Variants in CREB3L2 observed in about 807,000 individuals in gnomAD.
The protein encoded by CREB3L2 is cAMP responsive element binding protein 3 like 2.
CREB3L2 carries 23 observed loss-of-function variants against 57.2 expected under a neutral mutation model. That is an observed-to-expected ratio of 0.40 (90% CI 0.29 to 0.57). The LOEUF (loss-of-function observed/expected upper bound fraction) is 0.57, where lower values mean the gene tolerates loss of function less well. Ranked by LOEUF, CREB3L2 falls within the 20% of genes least tolerant of loss-of-function variation. CREB3L2 has a pLI of 0.42. For missense variants in CREB3L2, 628 were observed against 634.7 expected (o/e 0.99, Z 0.11); for synonymous variants, 268 against 265.1 (o/e 1.01, Z -0.11).
chr7:137,906,869 T>C (rs1238958696), intron 5 of CREB3L2, among the ~76,000 whole-genome samples: 2 of 152,218 alleles, frequency 1.3e-5, no homozygotes, highest in African/African-American at 4.8e-5. Flanking sequence ...CCTTCCACCA[T>C]GATTGTGAGG....
At chr7:137,962,607 C>T (rs1350754211) in intron 1 of CREB3L2, among the ~76,000 whole-genome samples, 1 of 152,036 alleles carries the variant, frequency 6.6e-6, no homozygotes, top group East Asian at 1.9e-4. Flanking sequence ...GGCAGGACTC[C>T]CCACCACCCT....
chr7:137,919,765 CAAAGA>C (rs1344670670), intron 2 of CREB3L2, among the ~76,000 whole-genome samples: 2 of 151,926 alleles, frequency 1.3e-5, no homozygotes, highest in African/African-American at 2.4e-5. Context: ...TTTTTAATTA[CAAAGA>C]AAAGACTTAT....
intron 1 of CREB3L2, among the ~76,000 whole-genome samples, chr7:137,972,702 A>AC (rs1443718414): frequency 6.3e-4 from 26 of 41,004 alleles, no homozygotes; most frequent in Middle Eastern, 9.3e-3. Flanking sequence ...AAAAAAAAAA[A>AC]AAAAAAAAAA....
intron 1 of CREB3L2, among the ~76,000 whole-genome samples, chr7:137,971,863 G>C (rs775772389): frequency 5.4e-4 from 81 of 151,252 alleles, no homozygotes; most frequent in Non-Finnish European, 9.0e-4. Context: ...AACAATACAC[G>C]GCCATTAAAA....
At chr7:137,894,035 T>A (rs1194446707) in intron 8 of CREB3L2, among the ~76,000 whole-genome samples, 1 of 152,174 alleles carries the variant, frequency 6.6e-6, no homozygotes, top group Non-Finnish European at 1.5e-5. Flanking sequence ...AGAGAGACAG[T>A]CTCTTGGGTC....
At chr7:137,986,135 C>T (rs1023503913) in intron 1 of CREB3L2, among the ~76,000 whole-genome samples, 1 of 152,222 alleles carries the variant, frequency 6.6e-6, no homozygotes, top group African/African-American at 2.4e-5. Flanking sequence ...AAGGTGCTCA[C>T]AGTAGGGAGA....
At position 137,879,182 on chromosome 7, in the gene CREB3L2, A is replaced by C; in HGVS notation, c.*1294T>G. The C allele has an allele frequency of 5.8e-6, 3 of 518,976 alleles. No individual in the cohort carries two copies. The highest frequency in any genetic ancestry group is 5.0e-5 in the South Asian group (3 of 59,778). 32.1% of individuals were successfully genotyped at this position (518,976 alleles called of 1,614,324 possible). ...ACTTTTAACCATAAAAAAAAAACAA[A>C]AAAACTAAAAGTAGGTTGGGGATTA... On this transcript the variant is annotated 3_prime_UTR_variant, in exon 12 of 12. Transcript: ENST00000330387.
chr7:137,906,889 C>T (rs533751776), intron 5 of CREB3L2, among the ~76,000 whole-genome samples: 10 of 152,328 alleles, frequency 6.6e-5, no homozygotes, highest in South Asian at 2.1e-4. Flanking sequence ...GTTTCCCTAG[C>T]CACGTGGAAC....
chr7:137,944,032 A>G (rs572688141), intron 1 of CREB3L2, among the ~76,000 whole-genome samples: 11 of 152,238 alleles, frequency 7.2e-5, no homozygotes, highest in East Asian at 1.9e-4. Context: ...TATTCTCTTC[A>G]CTGTCTAAAG....
Position 137,905,974 on chromosome 7 carries a change from C to T in CREB3L2, c.769-126G>A, listed in dbSNP as rs1475748391. The T allele has an allele frequency of 6.5e-6, 6 of 929,970 alleles. No homozygotes were observed. The Admixed American group carries it at 1.6e-4, about 25-fold the overall frequency. The allele number at this position is 929,970 out of a possible 1,614,324, so 57.6% of individuals were successfully genotyped here. On this transcript the variant is annotated intron_variant, in intron 5 of 11. Coordinates refer to ENST00000330387, the MANE Select transcript of CREB3L2 (RefSeq NM_194071.4). ...CAGAAGGCTCTGAGACAAGGATGCC[C>T]CATCTGCTTTGGGTGACAGATGGGT...
At position 137,888,079 on chromosome 7, in the gene CREB3L2, A is replaced by G. The variant is rs1052270004; in HGVS notation, c.1044-2577T>C. Among the ~76,000 whole-genome samples, 4 of 152,080 alleles carry G rather than the reference A, an allele frequency of 2.6e-5. No homozygotes were observed. In the South Asian group the frequency reaches 8.3e-4, roughly 32 times the overall value. On this transcript the variant is annotated intron_variant, in intron 8 of 11. Coordinates refer to ENST00000330387, the MANE Select transcript of CREB3L2 (RefSeq NM_194071.4). The stretch of plus-strand genomic sequence containing the variant: ...GCAATCCTCCTGCCTCAGCCTCCTG[A>G]GTAGCTGGGAGGGAATACAGGTGTG...
At chr7:137,989,192 G>T (rs538007161) in intron 1 of CREB3L2, among the ~76,000 whole-genome samples, 3 of 152,096 alleles carry the variant, frequency 2.0e-5, no homozygotes, top group African/African-American at 7.2e-5. Context: ...TCGTGCTCTC[G>T]CCTGGAAACC....
rs547836757 is a variant in CREB3L2, at chr7:137,879,208, G to A, written c.*1268C>T. On this transcript the variant is annotated 3_prime_UTR_variant, in exon 12 of 12. Transcript: ENST00000330387. Reference sequence around the variant, plus strand: ...AAAACTAAAAGTAGGTTGGGGATTAGGTTGTATCTCTTTGGGCGAGCTGCA... The same window carrying A: ...AAAACTAAAAGTAGGTTGGGGATTAAGTTGTATCTCTTTGGGCGAGCTGCA... 11 of 534,510 alleles carry A rather than the reference G, an allele frequency of 2.1e-5. No individual in the cohort carries two copies. Among genetic ancestry groups the A allele is most frequent in the African/African-American group, 2.0e-4 (11 of 53,822 alleles). The allele number at this position is 534,510 out of a possible 1,614,324, so 33.1% of individuals were successfully genotyped here. A position where few individuals can be genotyped will look rare whatever the true frequency, so the allele number is the denominator to read the frequency against.
Position 137,982,668 on chromosome 7 carries a change from G to A in CREB3L2, c.102+18936C>T, listed in dbSNP as rs141455036. On this transcript the variant is annotated intron_variant, in intron 1 of 11. Transcript: ENST00000330387. The stretch of plus-strand genomic sequence containing the variant: ...AAGATTGTGAGGCCTCCCCAGCCAC[G>A]TGGAACTGTGAGTCAATTAAACCTC... Among the ~76,000 whole-genome samples, 913 of 152,222 alleles carry A rather than the reference G, an allele frequency of 6.0e-3. 11 individuals carry two copies. The highest frequency in any genetic ancestry group is 0.02 in the African/African-American group (833 of 41,526).
intron 8 of CREB3L2, among the ~76,000 whole-genome samples, chr7:137,886,081 C>T (rs753367299): frequency 2.0e-5 from 3 of 152,194 alleles, no homozygotes; most frequent in Non-Finnish European, 4.4e-5. Context: ...AACACGGAAT[C>T]TCCCAACACT....
At chr7:137,887,105 C>T (rs140317316) in intron 8 of CREB3L2, among the ~76,000 whole-genome samples, 101 of 152,268 alleles carry the variant, frequency 6.6e-4, no homozygotes, top group Admixed American at 1.8e-3. Flanking sequence ...TGTTAGACAG[C>T]CACATAAGTT....
intron 1 of CREB3L2, among the ~76,000 whole-genome samples, chr7:137,985,039 A>G (rs143640737): frequency 1.3e-5 from 2 of 152,292 alleles, no homozygotes; most frequent in African/African-American, 4.8e-5. Context: ...GCTTTTACTT[A>G]AAATAAAAAT....
intron 1 of CREB3L2, among the ~76,000 whole-genome samples, chr7:137,933,341 C>T (rs1585639678): frequency 6.6e-6 from 1 of 152,340 alleles, no homozygotes; most frequent in Non-Finnish European, 1.5e-5. Context: ...GAATCCCATT[C>T]TATCCCGAGG....
At position 137,957,943 on chromosome 7, in the gene CREB3L2, A is replaced by G. The variant is rs780866436; in HGVS notation, c.103-29577T>C. ...CTACAATCTAGGACCTCCTCCCAGA[A>G]GGCAGGAACATTGTGTCTGGCGTGT... On this transcript the variant is annotated intron_variant, in intron 1 of 11. Transcript: ENST00000330387. 235 of 387,626 alleles carry G rather than the reference A, an allele frequency of 6.1e-4. 5 individuals carry two copies. Among genetic ancestry groups the G allele is most frequent in the Middle Eastern group, 3.1e-3 (8 of 2,620 alleles). 24.0% of individuals were successfully genotyped at this position (387,626 alleles called of 1,614,324 possible).
Sources: allele counts gnomAD v4.1 joint callset (sites outside exome capture counted in the v4.1 genomes callset), GRCh38; gene constraint gnomAD v4.1.1; transcripts MANE v1.5; gene names NCBI Gene and HGNC (gene_info 2026-07-23, HGNC 2026-07-21).